SF3A1: variants seen among roughly 807,000 people sequenced by gnomAD.
SF3A1 encodes the protein splicing factor 3a subunit 1, also known as SAP 114.
SF3A1 carries 13 observed loss-of-function variants against 89.9 expected under a neutral mutation model. The ratio of observed to expected loss-of-function variants is 0.14; its 90% CI spans 0.09 to 0.23. SF3A1 has a LOEUF of 0.23. SF3A1 is among the 10% of genes least tolerant of loss of function. SF3A1 has a pLI of 1.00. For synonymous variants in SF3A1, 405 were observed against 374.4 expected (o/e 1.08, Z -0.94); for missense variants, 604 against 1,022.1 (o/e 0.59, Z 5.58).
Position 30,333,950 on chromosome 22 carries a change from T to C in SF3A1, c.*644A>G, listed in dbSNP as rs1455642156. The C allele has an allele frequency of 6.6e-6, 1 of 152,218 alleles. No individual in the cohort carries two copies. Among genetic ancestry groups the C allele is most frequent in the East Asian group, 1.9e-4 (1 of 5,202 alleles). 9.4% of individuals were successfully genotyped at this position (152,218 alleles called of 1,614,324 possible). A position where few individuals can be genotyped will look rare whatever the true frequency, so the allele number is the denominator to read the frequency against. On this transcript the variant is annotated 3_prime_UTR_variant, in exon 16 of 16. Transcript: ENST00000215793. ...TCCTTGGTTTGCATGGTGCCTGCCA[T>C]GCTTCCTGTATTACTGTTAAATACA...
rs1233062372 is a variant in SF3A1, at chr22:30,356,683, C to G, written c.63+47G>C. 3 of 1,389,346 alleles carry G rather than the reference C, an allele frequency of 2.2e-6. No individual in the cohort carries two copies. In the East Asian group the frequency reaches 8.9e-5, roughly 41 times the overall value. 86.1% of individuals were successfully genotyped at this position (1,389,346 alleles called of 1,614,324 possible). ...CTTATTCCTGTGCGAGTAAGGAGCG[C>G]CCAGGCCAACCCTCCGGCTGCAGGC... On this transcript the variant is annotated intron_variant, in intron 1 of 15. Transcript: ENST00000215793.
Position 30,346,450 on chromosome 22 carries a change from G to T in SF3A1, c.255C>A (p.Asn85Lys), listed in dbSNP as rs199771354. The change falls in exon 3 of 16, where the codon AAC (asparagine) becomes AAA (lysine). Residue 85 changes from asparagine (N) to lysine (K), a missense_variant. This residue lies in a region of SF3A1 where 162 missense variants were observed against 229.2 expected (regional missense o/e 0.71). Coordinates refer to ENST00000215793, the MANE Select transcript of SF3A1 (RefSeq NM_005877.6). ...EINNPKFNFLNPNDPYHAYYR... is the reference protein window; with the variant it reads ...EINNPKFNFLKPNDPYHAYYR... ...AGTAGGCATGGTAAGGGTCATTGGG[G>T]TTCAGAAAGTTGAACTTGGGGTTGT... 21 of 1,613,932 alleles carry T rather than the reference G, an allele frequency of 1.3e-5. No individual in the cohort carries two copies. The highest frequency in any genetic ancestry group is 5.1e-6 in the Non-Finnish European group (6 of 1,179,994).
rs777014709 is a variant in SF3A1, at chr22:30,337,216, C to T, written c.1952-36G>A. 5.1e-6 allele frequency: 8 copies of T among 1,570,448 alleles called. No individual in the cohort carries two copies. The South Asian group carries it at 7.2e-5, about 14-fold the overall frequency. ...AAGAATAAGCAGCCCCATGAGAGGG[C>T]AGAAGGGGCCCAGGACTCAGGGCTG... On this transcript the variant is annotated intron_variant, in intron 12 of 15. Transcript: ENST00000215793.
At chr22:30,345,591 T>A (rs1022798050) in intron 3 of SF3A1, among the ~76,000 whole-genome samples, 1 of 152,182 alleles carries the variant, frequency 6.6e-6, no homozygotes, top group Non-Finnish European at 1.5e-5. Flanking sequence ...GACCTCCGCA[T>A]GAACGATGAG....
Position 30,333,716 on chromosome 22 carries a change from G to A in SF3A1, c.*878C>T, listed in dbSNP as rs1287555393. 2 of 152,224 alleles carry A rather than the reference G, an allele frequency of 1.3e-5. No individual in the cohort carries two copies. Among genetic ancestry groups the A allele is most frequent in the Non-Finnish European group, 2.9e-5 (2 of 68,046 alleles). 9.4% of individuals were successfully genotyped at this position (152,224 alleles called of 1,614,324 possible). A position where few individuals can be genotyped will look rare whatever the true frequency, so the allele number is the denominator to read the frequency against. On this transcript the variant is annotated 3_prime_UTR_variant, in exon 16 of 16. Transcript: ENST00000215793. ...AATGGATAAAATGGATAAAAGTAGA[G>A]AGTAAATTATTTAAACTTTATCAAA... is the stretch of plus-strand genomic sequence containing the variant.
At position 30,346,563 on chromosome 22, in the gene SF3A1, G is replaced by A. The variant is rs756596714; in HGVS notation, c.186-44C>T. ...ACAAGAATAAACACCACTCCCTTGTGCCTGCTGTGATCTAGAACACTGCCC... is the reference window on the plus strand; with the variant it reads ...ACAAGAATAAACACCACTCCCTTGTACCTGCTGTGATCTAGAACACTGCCC... On this transcript the variant is annotated intron_variant, in intron 2 of 15. Coordinates refer to ENST00000215793, the MANE Select transcript of SF3A1 (RefSeq NM_005877.6). 3 of 1,604,472 alleles carry A rather than the reference G, an allele frequency of 1.9e-6. No individual in the cohort carries two copies. In the South Asian group the frequency reaches 3.4e-5, roughly 18 times the overall value.
At chr22:30,340,567 G>A (rs1931218721) in intron 8 of SF3A1, 128 bp downstream of exon 8, 10 of 849,262 alleles carry the variant, frequency 1.2e-5, no homozygotes, top group Non-Finnish European at 1.9e-5. Flanking sequence ...ACCTGTAACA[G>A]ACGGGCTTGC....
chr22:30,356,032 G>C (rs1473817359), intron 1 of SF3A1, among the ~76,000 whole-genome samples: 2 of 151,952 alleles, frequency 1.3e-5, no homozygotes, highest in African/African-American at 2.4e-5. Flanking sequence ...CATTAGATTT[G>C]TACCTGAAAC....
At chr22:30,341,407 CCT>C (rs1331700671) in intron 7 of SF3A1, among the ~76,000 whole-genome samples, 7 of 152,136 alleles carry the variant, frequency 4.6e-5, no homozygotes, top group African/African-American at 1.7e-4. Flanking sequence ...CAGTGAGTTC[CCT>C]GAGGGCTGGC....
chr22:30,343,985 G>A (rs1931342897), intron 4 of SF3A1, among the ~76,000 whole-genome samples: 1 of 152,204 alleles, frequency 6.6e-6, no homozygotes, highest in African/African-American at 2.4e-5. Flanking sequence ...TAAAGGGAAG[G>A]AAAACAACCT....
Position 30,345,058 on chromosome 22 carries a change from T to C in SF3A1, c.526A>G (p.Arg176Gly), listed in dbSNP as rs758370456. The change falls in exon 4 of 16, where the codon AGG (arginine) becomes GGG (glycine). Residue 176 changes from arginine (R) to glycine (G), a missense_variant. By Grantham distance (125) the Arg-to-Gly change is moderately radical (BLOSUM62 -2). Around this residue, in one of 9 missense-constraint regions of SF3A1, gnomAD observed 162 missense variants for 229.2 expected, o/e 0.71. Coordinates refer to ENST00000215793, the MANE Select transcript of SF3A1 (RefSeq NM_005877.6). ...TGGGTCAGAAACTGGCGCCCATTCC[T>C]GGCCACAAACTGAGCCGTCAGCTTC... is the stretch of plus-strand genomic sequence containing the variant. ...VVKLTAQFVARNGRQFLTQLM... is the reference protein window; with the variant it reads ...VVKLTAQFVAGNGRQFLTQLM... 6.2e-7 allele frequency: 1 copy of C among 1,614,236 alleles called. No homozygotes were observed. Among genetic ancestry groups the C allele is most frequent in the Admixed American group, 1.7e-5 (1 of 60,028 alleles).
chr22:30,342,408 G>A lies in SF3A1; in HGVS notation c.727-58C>T, dbSNP rs1016416326. On this transcript the variant is annotated intron_variant, in intron 5 of 15. Coordinates refer to ENST00000215793, the MANE Select transcript of SF3A1 (RefSeq NM_005877.6). ...TGAAGCAGGGTCTGCTCCTGATGAGGCTACCACCTCCAGGGCTTTCATCAA... is the reference window on the plus strand; with the variant it reads ...TGAAGCAGGGTCTGCTCCTGATGAGACTACCACCTCCAGGGCTTTCATCAA... The A allele has an allele frequency of 2.0e-6, 3 of 1,533,238 alleles. No individual in the cohort carries two copies. In the African/African-American group the frequency reaches 4.1e-5, roughly 21 times the overall value. 95.0% of individuals were successfully genotyped at this position (1,533,238 alleles called of 1,614,324 possible).
In SF3A1 at chr22:30,350,645, G is replaced by A. The variant is rs573254242; in HGVS notation, c.185+2306C>T. Among the ~76,000 whole-genome samples, 21 of 152,180 alleles carry A rather than the reference G, an allele frequency of 1.4e-4. No homozygotes were observed. In the East Asian group the frequency reaches 2.9e-3, roughly 21 times the overall value. On this transcript the variant is annotated intron_variant, in intron 2 of 15. Coordinates refer to ENST00000215793, the MANE Select transcript of SF3A1 (RefSeq NM_005877.6). ...TGGAAAAATGCTTACAACACAGAGT[G>A]GAATATCTTTACTAGTATTACAAGG...
intron 2 of SF3A1, among the ~76,000 whole-genome samples, chr22:30,351,172 G>A (rs5997614): frequency 1.3e-5 from 2 of 152,102 alleles, no homozygotes; most frequent in Non-Finnish European, 2.9e-5. Context: ...GGTGGCGCAC[G>A]CCTGTTGTCC....
In SF3A1 at chr22:30,337,837, T is replaced by G; in HGVS notation, c.1804A>C (p.Met602Leu). Residue 602 changes from methionine (M) to leucine (L), a missense_variant, in exon 12 of 16, where the codon ATG (methionine) becomes CTG (leucine). Transcript: ENST00000215793. ...GGGGGCAGCCGGACCACAGATGCCA[T>G]TGGGGGCCGGGGCATGACGGGTACT... ...SAVPVMPRPPMASVVRLPPGS... is the reference protein window; with the variant it reads ...SAVPVMPRPPLASVVRLPPGS... 1 of 1,608,634 alleles carries G rather than the reference T, an allele frequency of 6.2e-7. No individual in the cohort carries two copies. The highest frequency in any genetic ancestry group is 8.5e-7 in the Non-Finnish European group (1 of 1,178,200).
chr22:30,338,996 G>C lies in SF3A1; in HGVS notation c.1536C>G (p.Thr512=). The C allele has an allele frequency of 6.2e-7, 1 of 1,614,180 alleles. No homozygotes were observed. Among genetic ancestry groups the C allele is most frequent in the Non-Finnish European group, 8.5e-7 (1 of 1,180,032 alleles). ...WDGHSGSMAR[T]QQAAQANITL... is the part of the protein sequence containing the mutation. ...TGATGTTGGCCTGGGCAGCCTGCTG[G>C]GTCCGGGCCATGCTGCCTGAGTGGC... is the stretch of plus-strand genomic sequence containing the variant. Residue 512 remains threonine (T), a synonymous_variant, in exon 11 of 16, where the codon ACC becomes ACG. Coordinates refer to ENST00000215793, the MANE Select transcript of SF3A1 (RefSeq NM_005877.6).
rs754028436 is a variant in SF3A1 at position 30,340,200 on chromosome 22, T to C, written c.1371A>G (p.Ala457=). ...CTCCTGGAACCCCCACCTCACCTGGTGCGTACACCTCATCATCGCTCTGCT... is the reference window on the plus strand; with the variant it reads ...CTCCTGGAACCCCCACCTCACCTGGCGCGTACACCTCATCATCGCTCTGCT... ...REKQSDDEVY[A]PGLDIESSLK... Residue 457 remains alanine, a synonymous_variant, in exon 9 of 16, where the codon GCA becomes GCG. Transcript: ENST00000215793. 3.2e-6 allele frequency: 5 copies of C among 1,543,660 alleles called. No individual in the cohort carries two copies. The highest frequency in any genetic ancestry group is 4.4e-6 in the Non-Finnish European group (5 of 1,147,646).
At chr22:30,337,273 T>C in intron 12 of SF3A1, 93 bp from the exon 13 acceptor site, 2 of 1,245,880 alleles carry the variant, frequency 1.6e-6, no homozygotes, top group Admixed American at 2.7e-5. Context: ...TTGCAAAGGT[T>C]TCCTCTAGTC....
intron 2 of SF3A1, 69 bp from the exon 3 acceptor site, chr22:30,346,588 C>T: frequency 6.5e-7 from 1 of 1,542,756 alleles, no homozygotes; most frequent in Non-Finnish European, 8.9e-7. Context: ...GAACACTGCC[C>T]ATTGGAACGT....
Sources: allele counts gnomAD v4.1 joint callset (sites outside exome capture counted in the v4.1 genomes callset), GRCh38; gene constraint gnomAD v4.1.1; regional missense constraint gnomAD v4.1.1; transcripts MANE v1.5; gene names NCBI Gene and HGNC (gene_info 2026-07-23, HGNC 2026-07-21).